HCRTR2: variants seen among roughly 807,000 people sequenced by gnomAD.
HCRTR2 encodes the protein hypocretin receptor 2, also known as orexin receptor type 2.
A neutral mutation model predicts 49.0 loss-of-function variants in HCRTR2; 22 were observed. The ratio of observed to expected loss-of-function variants is 0.45; its 90% CI spans 0.32 to 0.64. HCRTR2 has a LOEUF of 0.64. Ranked by LOEUF, HCRTR2 falls within the 30% of genes least tolerant of loss-of-function variation. The probability of loss-of-function intolerance (pLI) is 0.04; values close to 1 mark genes in which losing one functional copy is unlikely to be tolerated. For missense variants in HCRTR2, 491 were observed against 559.4 expected (o/e 0.88, Z 1.23); for synonymous variants, 236 against 205.3 (o/e 1.15, Z -1.28).
At chr6:55,255,100 G>A in intron 2 of HCRTR2, 36 bp from the exon 3 acceptor site, 1 of 1,611,312 alleles carries the variant, frequency 6.2e-7, no homozygotes, top group Non-Finnish European at 8.5e-7. Flanking sequence ...TTAACAGCTG[G>A]TGCTTCTCTA....
At chr6:55,144,459 C>T (rs930924570) in intron 1 of HCRTR2, among the ~76,000 whole-genome samples, 2 of 152,082 alleles carry the variant, frequency 1.3e-5, no homozygotes, top group African/African-American at 4.8e-5. Flanking sequence ...TTCTACGCGT[C>T]ATTCAAATAT....
chr6:55,179,346 A>G (rs564887613), intron 1 of HCRTR2, among the ~76,000 whole-genome samples: 2 of 152,194 alleles, frequency 1.3e-5, no homozygotes, highest in Non-Finnish European at 2.9e-5. Flanking sequence ...AGTGACTGTA[A>G]AAGGTAATAT....
At chr6:55,121,154 G>A (rs1764193883) in intron 1 of HCRTR2, among the ~76,000 whole-genome samples, 1 of 151,932 alleles carries the variant, frequency 6.6e-6, no homozygotes, top group South Asian at 2.1e-4. Context: ...ATTTCGTTGA[G>A]CGTGGTTTGT....
intron 1 of HCRTR2, among the ~76,000 whole-genome samples, chr6:55,242,790 A>G (rs1314608009): frequency 2.0e-5 from 3 of 152,230 alleles, no homozygotes; most frequent in Non-Finnish European, 4.4e-5. Flanking sequence ...TTTTGCTCAT[A>G]TACAATCTGT....
At chr6:55,127,409 C>T (rs954698001) in intron 1 of HCRTR2, among the ~76,000 whole-genome samples, 2 of 152,100 alleles carry the variant, frequency 1.3e-5, no homozygotes, top group African/African-American at 2.4e-5. Flanking sequence ...CACTGTCCAA[C>T]CTGCCCCAAT....
intron 5 of HCRTR2, 89 bp from the exon 6 acceptor site, chr6:55,280,234 A>C: frequency 1.2e-6 from 1 of 855,648 alleles, no homozygotes. Flanking sequence ...TGAAGAGGAC[A>C]GGAGTCAGAC....
intron 1 of HCRTR2, among the ~76,000 whole-genome samples, chr6:55,233,293 G>A (rs1364636764): frequency 1.3e-5 from 2 of 152,078 alleles, no homozygotes; most frequent in Non-Finnish European, 2.9e-5. Flanking sequence ...GTTTTACCAT[G>A]TTGGCCAGGC....
chr6:55,187,645 T>C (rs1432953665), intron 1 of HCRTR2, among the ~76,000 whole-genome samples: 1 of 150,760 alleles, frequency 6.6e-6, no homozygotes, highest in Non-Finnish European at 1.5e-5. Flanking sequence ...TTTTAGTTAA[T>C]TCTACAACAA....
intron 1 of HCRTR2, among the ~76,000 whole-genome samples, chr6:55,180,191 A>T (rs907298971): frequency 1.3e-5 from 2 of 152,374 alleles, no homozygotes; most frequent in Admixed American, 6.5e-5. Flanking sequence ...ACAAATAAGA[A>T]AAATGAATTC....
chr6:55,233,234 G>A (rs546819277), intron 1 of HCRTR2, among the ~76,000 whole-genome samples: 3 of 151,928 alleles, frequency 2.0e-5, no homozygotes, highest in East Asian at 1.9e-4. Context: ...GATTACAGGC[G>A]CCCACCACCA....
At chr6:55,268,142 T>C (rs1368567211) in intron 4 of HCRTR2, among the ~76,000 whole-genome samples, 3 of 152,180 alleles carry the variant, frequency 2.0e-5, no homozygotes, top group Non-Finnish European at 4.4e-5. Flanking sequence ...TTGTTTAGAT[T>C]AAGTTGCTAA....
chr6:55,128,274 G>A (rs1581786130), intron 1 of HCRTR2, among the ~76,000 whole-genome samples: 1 of 152,184 alleles, frequency 6.6e-6, no homozygotes, highest in Non-Finnish European at 1.5e-5. Flanking sequence ...CTGTTCCATT[G>A]ATCTATGTGT....
intron 1 of HCRTR2, among the ~76,000 whole-genome samples, chr6:55,162,290 C>T (rs890527003): frequency 2.0e-5 from 3 of 152,158 alleles, no homozygotes; most frequent in Admixed American, 1.3e-4. Context: ...TTTAACAGCC[C>T]TTCATGCTAA....
At chr6:55,274,239 G>GTATATATA (rs61667408) in intron 4 of HCRTR2, among the ~76,000 whole-genome samples, 1 of 119,510 alleles carries the variant, frequency 8.4e-6, no homozygotes, top group African/African-American at 3.0e-5. Flanking sequence ...ATCATTTTCA[G>GTATATATA]TATATATATA....
At chr6:55,121,258 T>C (rs535932780) in intron 1 of HCRTR2, among the ~76,000 whole-genome samples, 6 of 152,304 alleles carry the variant, frequency 3.9e-5, no homozygotes, top group South Asian at 2.1e-4. Context: ...AGTTCACTCA[T>C]GATTTGGCTC....
At chr6:55,249,116 C>A (rs569257382) in intron 2 of HCRTR2, among the ~76,000 whole-genome samples, 8 of 151,932 alleles carry the variant, frequency 5.3e-5, no homozygotes, top group African/African-American at 1.9e-4. Flanking sequence ...CAAATTTGAT[C>A]CCAAAAGTTT....
intron 1 of HCRTR2, among the ~76,000 whole-genome samples, chr6:55,152,446 T>A (rs1764676203): frequency 6.6e-6 from 1 of 152,066 alleles, no homozygotes; most frequent in Admixed American, 6.6e-5. Context: ...TGTCTTTTGC[T>A]ATAGAGTTGT....
chr6:55,120,986 A>G (rs1481319057), intron 1 of HCRTR2, among the ~76,000 whole-genome samples: 2 of 152,004 alleles, frequency 1.3e-5, no homozygotes, highest in Admixed American at 1.3e-4. Context: ...ATGAACTTTA[A>G]AGTAGTTTTT....
At chr6:55,186,455 A>C (rs1765217608) in intron 1 of HCRTR2, among the ~76,000 whole-genome samples, 1 of 152,210 alleles carries the variant, frequency 6.6e-6, no homozygotes, top group African/African-American at 2.4e-5. Context: ...TTTCCCCAGC[A>C]CTGAGATCTC....
Sources: gnomAD v4.1 joint callset for allele counts (sites outside exome capture counted in the v4.1 genomes callset) on GRCh38, gnomAD v4.1.1 for gene constraint, MANE v1.5 for transcripts, NCBI Gene and HGNC (gene_info 2026-07-23, HGNC 2026-07-21) for gene names.